NRG1: variants seen among roughly 807,000 people sequenced by gnomAD.
NRG1 encodes the protein neuregulin 1, also known as pro-neuregulin-1, membrane-bound isoform.
NRG1 carries 18 observed loss-of-function variants against 63.8 expected under a neutral mutation model. The ratio of observed to expected loss-of-function variants is 0.28; its 90% confidence interval spans 0.19 to 0.42. NRG1 has a LOEUF of 0.42. Among genes scored for constraint, NRG1 ranks in the 10% least tolerant of loss-of-function variants. The pLI is 1.00. For synonymous variants in NRG1, 302 were observed against 301.3 expected, an observed-to-expected ratio of 1.00 and a Z score of -0.02; for missense variants, 762 against 814.7, an observed-to-expected ratio of 0.94 and a Z score of 0.79.
At chr8:32,016,832 A>G (rs1563683271) in intron 1 of NRG1, among the ~76,000 whole-genome samples, 1 of 152,216 alleles carries the variant, frequency 6.6e-6, no homozygotes, top group Non-Finnish European at 1.5e-5. Flanking sequence ...GAACTTGGTA[A>G]TAACAATAAA....
At chr8:32,288,018 A>T (rs117884197) in intron 1 of NRG1, among the ~76,000 whole-genome samples, 2,375 of 152,320 alleles carry the variant, frequency 0.016, 28 homozygotes, top group Non-Finnish European at 0.024. Flanking sequence ...CATATTTTCC[A>T]GCTGGCTTGT....
chr8:31,648,681 T>C (rs527263716), intron 1 of NRG1, among the ~76,000 whole-genome samples: 1 of 152,320 alleles, frequency 6.6e-6, no homozygotes, highest in Non-Finnish European at 1.5e-5. Flanking sequence ...ACTGGCTTAT[T>C]TCACTTACCA....
chr8:32,003,757 A>C (rs1049831716), intron 1 of NRG1, among the ~76,000 whole-genome samples: 1 of 151,908 alleles, frequency 6.6e-6, no homozygotes, highest in Non-Finnish European at 1.5e-5. Context: ...ACCTAGCTAC[A>C]TTATTGCAAA....
chr8:31,772,524 T>C (rs1818724844), intron 1 of NRG1, among the ~76,000 whole-genome samples: 1 of 151,474 alleles, frequency 6.6e-6, no homozygotes, highest in Admixed American at 6.6e-5. Flanking sequence ...TTCTAGCAAC[T>C]TTTTTTTTAA....
At position 31,813,824 on chromosome 8, in the gene NRG1, G is replaced by C. The variant is rs553760537; in HGVS notation, c.37+174393G>C. Among the ~76,000 whole-genome samples the C allele has an allele frequency of 2.0e-5, 3 of 151,964 alleles. No homozygotes were observed. The East Asian group carries it at 5.8e-4, about 29-fold the overall frequency. Reference sequence around the variant, plus strand: ...TTATAGGTGTGAGCCATCATGCCTGGCCAGGAATTTTCTTGAATGCTTCAA... The same window carrying C: ...TTATAGGTGTGAGCCATCATGCCTGCCCAGGAATTTTCTTGAATGCTTCAA... On this transcript the variant is annotated intron_variant, in intron 1 of 10. Coordinates refer to the NRG1 transcript ENST00000519301.
intron 1 of NRG1, among the ~76,000 whole-genome samples, chr8:32,253,177 T>C (rs1354631639): frequency 6.6e-6 from 1 of 152,226 alleles, no homozygotes; most frequent in East Asian, 1.9e-4. Flanking sequence ...CCAATTTGAA[T>C]ATACTTTATT....
At chr8:32,492,162 C>T (rs959019250) in intron 1 of NRG1, among the ~76,000 whole-genome samples, 1 of 151,658 alleles carries the variant, frequency 6.6e-6, no homozygotes. Context: ...GTCATGGGGA[C>T]CAGATTGTGT....
At chr8:32,144,033 A>G (rs1355217308) in intron 1 of NRG1, among the ~76,000 whole-genome samples, 1 of 152,194 alleles carries the variant, frequency 6.6e-6, no homozygotes, top group Non-Finnish European at 1.5e-5. Flanking sequence ...TAAAATGGGA[A>G]AAGCAGTTAG....
intron 1 of NRG1, among the ~76,000 whole-genome samples, chr8:32,313,186 A>G (rs1240280478): frequency 6.6e-6 from 1 of 152,200 alleles, no homozygotes. Context: ...GAAATTCTGT[A>G]TTTCAGCATC....
Position 32,743,573 on chromosome 8 carries a change from C to CATAT in NRG1, c.691+860_691+863dup, listed in dbSNP as rs71879821. 2.3e-3 allele frequency among the ~76,000 whole-genome samples: 267 copies of CATAT among 113,698 alleles called. 5 individuals are homozygous for CATAT. The highest frequency in any genetic ancestry group is 9.3e-3 in the East Asian group (31 of 3,322). 74.6% of individuals were successfully genotyped at this position (113,698 alleles called of 152,430 possible). ...TATATATATAAAACTTAAGGCAAAA[C>CATAT]ATATATATATATATATATATATAAA... On this transcript the variant is annotated intron_variant, in intron 7 of 11. Transcript: ENST00000356819.
At chr8:31,995,565 A>G (rs867787363) in intron 1 of NRG1, among the ~76,000 whole-genome samples, 4 of 152,048 alleles carry the variant, frequency 2.6e-5, no homozygotes, top group Middle Eastern at 6.8e-3. Context: ...GGCAGATGCT[A>G]TTCCTTTTAG....
chr8:32,208,274 G>A (rs1342502370), intron 1 of NRG1, among the ~76,000 whole-genome samples: 2 of 151,332 alleles, frequency 1.3e-5, no homozygotes, highest in Non-Finnish European at 2.9e-5. Context: ...GTGGGACTAT[G>A]AAGTGTTTTA....
chr8:32,347,791 G>T (rs902285210), intron 1 of NRG1, among the ~76,000 whole-genome samples: 1 of 152,146 alleles, frequency 6.6e-6, no homozygotes, highest in Non-Finnish European at 1.5e-5. Context: ...ATGCTGTGAG[G>T]GTGATGAGGG....
At chr8:31,968,284 T>A (rs1385544141) in intron 1 of NRG1, among the ~76,000 whole-genome samples, 1 of 152,164 alleles carries the variant, frequency 6.6e-6, no homozygotes, top group African/African-American at 2.4e-5. Context: ...AGTGCTGTAT[T>A]GAGAAGGATT....
At chr8:32,669,391 C>A (rs1480515786) in intron 5 of NRG1, among the ~76,000 whole-genome samples, 2 of 152,028 alleles carry the variant, frequency 1.3e-5, no homozygotes, top group African/African-American at 4.8e-5. Flanking sequence ...AAAGAAGTAA[C>A]CAAAAATTTC....
chr8:31,653,612 T>C (rs1805124349), intron 1 of NRG1, among the ~76,000 whole-genome samples: 1 of 152,236 alleles, frequency 6.6e-6, no homozygotes, highest in Non-Finnish European at 1.5e-5. Context: ...CTCATTGCAG[T>C]GGAAGAGCCT....
At chr8:32,406,674 A>C (rs1814036256) in intron 1 of NRG1, among the ~76,000 whole-genome samples, 1 of 152,142 alleles carries the variant, frequency 6.6e-6, no homozygotes, top group Admixed American at 6.5e-5. Flanking sequence ...ATTCATATTT[A>C]ATATTATATA....
chr8:32,062,165 T>G (rs1481854838), intron 1 of NRG1, among the ~76,000 whole-genome samples: 1 of 152,080 alleles, frequency 6.6e-6, no homozygotes, highest in Non-Finnish European at 1.5e-5. Context: ...CTTTCTGAGA[T>G]ATTTTGAGTT....
chr8:32,316,550 G>A (rs539218550), intron 1 of NRG1, among the ~76,000 whole-genome samples: 30 of 151,708 alleles, frequency 2.0e-4, no homozygotes, highest in African/African-American at 6.3e-4. Flanking sequence ...TACTTGTGCC[G>A]GGAAGCAAAT....
Sources: allele counts gnomAD v4.1 joint callset (sites outside exome capture counted in the v4.1 genomes callset), GRCh38; gene constraint gnomAD v4.1.1; transcripts MANE v1.5; gene names NCBI Gene and HGNC (gene_info 2026-07-23, HGNC 2026-07-21).